DIS3L2: variants seen among roughly 807,000 people sequenced by gnomAD.
DIS3L2 encodes the protein DIS3 like 3'-5' exoribonuclease 2.
Under a neutral mutation model 97.5 loss-of-function variants are expected in DIS3L2, and 34 were observed. The observed-to-expected ratio is 0.35, with a 90% CI of 0.27 to 0.46. DIS3L2 has a LOEUF of 0.46. Among genes scored for constraint, DIS3L2 ranks in the 20% least tolerant of loss-of-function variants. The probability of loss-of-function intolerance (pLI) is 1.00; values close to 1 mark genes in which losing one functional copy is unlikely to be tolerated. For missense variants in DIS3L2, 1,038 were observed against 1,146.0 expected (o/e 0.91, Z 1.36); for synonymous variants, 435 against 445.2 (o/e 0.98, Z 0.29).
At chr2:232,247,481 C>G (rs537387428) in intron 11 of DIS3L2, among the ~76,000 whole-genome samples, 1 of 151,928 alleles carries the variant, frequency 6.6e-6, no homozygotes, top group African/African-American at 2.4e-5. Flanking sequence ...GTGTCTCTTT[C>G]TTGTCTTATA....
chr2:232,157,024 A>G (rs963935755), intron 8 of DIS3L2, among the ~76,000 whole-genome samples: 1 of 152,284 alleles, frequency 6.6e-6, no homozygotes, highest in East Asian at 1.9e-4. Flanking sequence ...TAACTTCTTT[A>G]TATTGTTGTT....
chr2:232,302,030 C>A (rs1421610586), intron 14 of DIS3L2, among the ~76,000 whole-genome samples: 2 of 151,844 alleles, frequency 1.3e-5, no homozygotes, highest in South Asian at 2.1e-4. Flanking sequence ...TCAGACCAAG[C>A]AATGTAAGAA....
chr2:232,109,598 G>A (rs1251285644), intron 6 of DIS3L2, among the ~76,000 whole-genome samples: 2 of 152,120 alleles, frequency 1.3e-5, no homozygotes, highest in African/African-American at 4.8e-5. Flanking sequence ...TCTGATCTTT[G>A]ACAAACCTGA....
intron 5 of DIS3L2, among the ~76,000 whole-genome samples, chr2:232,074,559 C>G (rs1018202314): frequency 5.4e-5 from 8 of 147,988 alleles, no homozygotes; most frequent in African/African-American, 2.0e-4. Flanking sequence ...AAATATAGCC[C>G]CATCAAGGAA....
At chr2:232,307,273 G>A (rs1223778472) in intron 14 of DIS3L2, among the ~76,000 whole-genome samples, 1 of 152,234 alleles carries the variant, frequency 6.6e-6, no homozygotes, top group Non-Finnish European at 1.5e-5. Context: ...GAAGGTGGGG[G>A]ACCTGATTTA....
chr2:232,340,967 G>A (rs1696090494), downstream of DIS3L2: 1 of 469,650 alleles, frequency 2.1e-6, no homozygotes, highest in Non-Finnish European at 4.4e-6. Context: ...AATGATGAAT[G>A]CCTTCCTGGA....
At chr2:232,136,402 T>C in intron 7 of DIS3L2, 70 bp from the exon 8 acceptor site, 1 of 1,576,512 alleles carries the variant, frequency 6.3e-7, no homozygotes, top group Non-Finnish European at 8.6e-7. Context: ...AATTATAACC[T>C]GCTGACCTCT....
chr2:232,072,928 G>C (rs1696077480), intron 5 of DIS3L2, among the ~76,000 whole-genome samples: 1 of 152,008 alleles, frequency 6.6e-6, no homozygotes, highest in South Asian at 2.1e-4. Flanking sequence ...TGGAAGAATG[G>C]AGAGAGATTG....
intron 2 of DIS3L2, 41 bp downstream of exon 2, chr2:232,015,020 A>G (rs1271718798): frequency 1.2e-6 from 2 of 1,608,430 alleles, no homozygotes; most frequent in Admixed American, 1.7e-5. Context: ...TAACTGGAGA[A>G]CTGAAATGAA....
rs556777998 is a variant in DIS3L2, at chr2:232,263,862, C to T, written c.1659+422C>T. On this transcript the variant is annotated intron_variant, in intron 13 of 20. Transcript: ENST00000325385. ...GGAGGCAGCTGACCAGTATCTGATACGAAGGCTTGGAAAAAAAGTATTTCT... is the reference window on the plus strand; with the variant it reads ...GGAGGCAGCTGACCAGTATCTGATATGAAGGCTTGGAAAAAAAGTATTTCT... 7.0e-4 allele frequency among the ~76,000 whole-genome samples: 106 copies of T among 152,226 alleles called. 3 individuals are homozygous for T. In the South Asian group the frequency reaches 0.02, roughly 28 times the overall value.
intron 10 of DIS3L2, among the ~76,000 whole-genome samples, chr2:232,218,333 T>C (rs1320343458): frequency 6.6e-6 from 1 of 152,170 alleles, no homozygotes; most frequent in Non-Finnish European, 1.5e-5. Flanking sequence ...GACAAAGCAT[T>C]GGCAAACACT....
chr2:232,063,041 T>G (rs1008680780), intron 5 of DIS3L2, among the ~76,000 whole-genome samples: 2 of 152,198 alleles, frequency 1.3e-5, no homozygotes, highest in African/African-American at 2.4e-5. Flanking sequence ...TGTTTGTAAC[T>G]AATCTATTTC....
chr2:232,333,697 TC>T, intron 16 of DIS3L2, 142 bp from the exon 17 acceptor site: 1 of 1,295,666 alleles, frequency 7.7e-7, no homozygotes, highest in Non-Finnish European at 1.0e-6. Flanking sequence ...GCCCCAGTCC[TC>T]CCTGGCGTCA....
At chr2:231,978,598 G>A (rs1693162061) in intron 1 of DIS3L2, 2 of 152,216 alleles carry the variant, frequency 1.3e-5, no homozygotes, top group Non-Finnish European at 1.5e-5. Flanking sequence ...TTTCCTAGTG[G>A]ATAAAAAGAA....
chr2:231,972,080 G>A (rs951238020), intron 1 of DIS3L2, among the ~76,000 whole-genome samples: 1 of 151,740 alleles, frequency 6.6e-6, no homozygotes, highest in South Asian at 2.1e-4. Context: ...AGCTACTCAG[G>A]AGGCTGTGGC....
intron 6 of DIS3L2, among the ~76,000 whole-genome samples, chr2:232,094,231 T>C (rs994393319): frequency 1.3e-5 from 2 of 152,202 alleles, no homozygotes; most frequent in African/African-American, 2.4e-5. Context: ...TGTTTTGTGA[T>C]CTAACATATG....
At chr2:232,057,211 C>A (rs1231233094) in intron 5 of DIS3L2, among the ~76,000 whole-genome samples, 1 of 151,958 alleles carries the variant, frequency 6.6e-6, no homozygotes, top group South Asian at 2.1e-4. Context: ...TTTGAAGGGG[C>A]AATAATTGAA....
downstream of DIS3L2, among the ~76,000 whole-genome samples, chr2:232,341,579 C>CT (rs773534321): frequency 1.3e-5 from 2 of 152,222 alleles, no homozygotes; most frequent in Non-Finnish European, 2.9e-5. Flanking sequence ...CTGCAGAACT[C>CT]TATCAGGAGG....
chr2:232,211,297 A>G (rs1269630142), intron 10 of DIS3L2, among the ~76,000 whole-genome samples: 1 of 152,106 alleles, frequency 6.6e-6, no homozygotes, highest in Non-Finnish European at 1.5e-5. Flanking sequence ...GGTGTGTGCC[A>G]CCAAGCCTGG....
Sources: gnomAD v4.1 joint callset for allele counts (sites outside exome capture counted in the v4.1 genomes callset) on GRCh38, gnomAD v4.1.1 for gene constraint, MANE v1.5 for transcripts, NCBI Gene and HGNC (gene_info 2026-07-23, HGNC 2026-07-21) for gene names.